The following COL13A1 variants were observed in gnomAD, a reference collection of about 807,000 sequenced individuals.
COL13A1 encodes the protein collagen alpha-1(XIII) chain.
In COL13A1, 89 loss-of-function variants were observed where a neutral mutation model predicts 130.9. The ratio of observed to expected loss-of-function variants is 0.68; its 90% CI spans 0.57 to 0.81. The LOEUF (loss-of-function observed/expected upper bound fraction) is 0.81. Ranked by LOEUF, COL13A1 falls within the 30% of genes least tolerant of loss-of-function variation. The probability of loss-of-function intolerance (pLI) is 0.00; values close to 1 mark genes in which losing one functional copy is unlikely to be tolerated. For missense variants in COL13A1, 879 were observed against 934.6 expected (o/e 0.94, Z 0.78); for synonymous variants, 402 against 341.6 (o/e 1.18, Z -1.95).
At chr10:69,889,189 G>A (rs2060910736) in intron 9 of COL13A1, among the ~76,000 whole-genome samples, 1 of 152,242 alleles carries the variant, frequency 6.6e-6, no homozygotes, top group Non-Finnish European at 1.5e-5. Context: ...CTGAAGGGCA[G>A]GCAGCTGCTA....
intron 14 of COL13A1, among the ~76,000 whole-genome samples, chr10:69,901,572 C>T (rs1434557113): frequency 1.3e-5 from 2 of 152,192 alleles, no homozygotes; most frequent in Non-Finnish European, 1.5e-5. Context: ...CTGCATCCCC[C>T]AGCCTCCACC....
chr10:69,894,869 TC>T (rs2061494978), intron 12 of COL13A1, among the ~76,000 whole-genome samples, 168 bp downstream of exon 12: 1 of 152,146 alleles, frequency 6.6e-6, no homozygotes. Flanking sequence ...CCAGGGGACA[TC>T]CTTTTCTTGG....
chr10:69,824,428 G>A (rs1846975272), intron 2 of COL13A1, among the ~76,000 whole-genome samples: 1 of 152,172 alleles, frequency 6.6e-6, no homozygotes, highest in African/African-American at 2.4e-5. Context: ...CAGAGTGGGT[G>A]GTTCTCAAGA....
At position 69,836,803 on chromosome 10, in the gene COL13A1, G is replaced by C. The variant is rs369972946; in HGVS notation, c.364+14365G>C. 5.3e-5 allele frequency among the ~76,000 whole-genome samples: 8 copies of C among 152,334 alleles called. No individual in the cohort carries two copies. In the East Asian group the frequency reaches 1.2e-3, roughly 22 times the overall value. On this transcript the variant is annotated intron_variant, in intron 2 of 40. Coordinates refer to ENST00000645393, the MANE Select transcript of COL13A1 (RefSeq NM_001368882.1). ...GAATGAGGACCAAGTATGGGCAGAG[G>C]CTCCCTCAGTGCCTGCCTTCCTCTT...
chr10:69,865,135 C>T (rs1254912709), intron 2 of COL13A1, among the ~76,000 whole-genome samples: 6 of 152,298 alleles, frequency 3.9e-5, no homozygotes, highest in East Asian at 1.9e-4. Flanking sequence ...CCGGTCTCAC[C>T]GCCATCACCT....
intron 2 of COL13A1, among the ~76,000 whole-genome samples, chr10:69,844,035 G>A (rs936696185): frequency 2.6e-5 from 4 of 152,210 alleles, no homozygotes; most frequent in Non-Finnish European, 5.9e-5. Context: ...GTAAAGCATA[G>A]AAAATACCCA....
chr10:69,930,608 C>A, intron 30 of COL13A1, 56 bp downstream of exon 30: 3 of 1,565,300 alleles, frequency 1.9e-6, no homozygotes, highest in East Asian at 4.5e-5. Flanking sequence ...AGCATGACGC[C>A]AGCTTTGCAG....
At chr10:69,952,207 T>G (rs2069680937) in intron 38 of COL13A1, among the ~76,000 whole-genome samples, 1 of 152,236 alleles carries the variant, frequency 6.6e-6, no homozygotes, top group Admixed American at 6.5e-5. Context: ...CCGTGAGCTC[T>G]GGACACACAC....
At chr10:69,906,095 C>T (rs1223803080) in intron 17 of COL13A1, among the ~76,000 whole-genome samples, 1 of 152,212 alleles carries the variant, frequency 6.6e-6, no homozygotes, top group Non-Finnish European at 1.5e-5. Context: ...CACTCCTGCA[C>T]AAATAACCCC....
chr10:69,907,275 C>G (rs1458094150), intron 17 of COL13A1, among the ~76,000 whole-genome samples: 1 of 152,164 alleles, frequency 6.6e-6, no homozygotes, highest in East Asian at 1.9e-4. Flanking sequence ...TGACTATTCT[C>G]CTATTTAAAA....
intron 2 of COL13A1, among the ~76,000 whole-genome samples, chr10:69,862,175 A>T (rs1858314359): frequency 6.6e-6 from 1 of 152,196 alleles, no homozygotes; most frequent in Non-Finnish European, 1.5e-5. Flanking sequence ...AGCTTCTCAA[A>T]GCTTTGCTAA....
At chr10:69,842,569 G>A (rs1479989549) in intron 2 of COL13A1, among the ~76,000 whole-genome samples, 3 of 152,082 alleles carry the variant, frequency 2.0e-5, no homozygotes, top group Admixed American at 1.3e-4. Flanking sequence ...TGCTCATTCC[G>A]GCACTAACAT....
At chr10:69,811,390 G>T (rs1352684001) in intron 1 of COL13A1, among the ~76,000 whole-genome samples, 2 of 152,218 alleles carry the variant, frequency 1.3e-5, no homozygotes, top group Non-Finnish European at 2.9e-5. Flanking sequence ...ACCAGGTCAT[G>T]CTCTGATAAG....
At chr10:69,829,498 G>A (rs1848298426) in intron 2 of COL13A1, among the ~76,000 whole-genome samples, 1 of 152,218 alleles carries the variant, frequency 6.6e-6, no homozygotes. Flanking sequence ...ATGGCTGACG[G>A]GAGCCCTGGC....
intron 30 of COL13A1, among the ~76,000 whole-genome samples, chr10:69,931,884 C>G (rs935077147): frequency 3.9e-5 from 6 of 152,218 alleles, no homozygotes; most frequent in Non-Finnish European, 7.3e-5. Context: ...GTCCTCTGCC[C>G]ATGGTCTCAT....
intron 13 of COL13A1, among the ~76,000 whole-genome samples, chr10:69,895,984 C>T (rs1200661627): frequency 6.6e-6 from 1 of 152,114 alleles, no homozygotes; most frequent in Middle Eastern, 3.4e-3. Flanking sequence ...GTGTGTGTGG[C>T]GGTAGGGGGG....
At chr10:69,848,529 G>A (rs7903431) in intron 2 of COL13A1, among the ~76,000 whole-genome samples, 5 of 152,108 alleles carry the variant, frequency 3.3e-5, no homozygotes, top group East Asian at 1.9e-4. Flanking sequence ...GCTCATCCCC[G>A]AGGATACCCC....
chr10:69,802,383 T>C lies in COL13A1; in HGVS notation c.-41T>C, dbSNP rs1840230208. The C allele has an allele frequency of 7.0e-7, 1 of 1,424,112 alleles. No individual in the cohort carries two copies. 88.2% of individuals were successfully genotyped at this position (1,424,112 alleles called of 1,614,324 possible). On this transcript the variant is annotated 5_prime_UTR_variant, in exon 1 of 41. Transcript: ENST00000645393. ...TTTGGCAGCGGCTGTCGCCTTTATTTATTCTATTTATTTATTTATTGGTTC... is the reference window on the plus strand; with the variant it reads ...TTTGGCAGCGGCTGTCGCCTTTATTCATTCTATTTATTTATTTATTGGTTC...
chr10:69,933,415 C>G (rs2066419616), intron 31 of COL13A1, among the ~76,000 whole-genome samples: 1 of 152,090 alleles, frequency 6.6e-6, no homozygotes, highest in Non-Finnish European at 1.5e-5. Context: ...GCAAGGTTTT[C>G]AAAAGACAGC....
Sources: gnomAD v4.1 joint callset for allele counts (sites outside exome capture counted in the v4.1 genomes callset) on GRCh38, gnomAD v4.1.1 for gene constraint, MANE v1.5 for transcripts, NCBI Gene and HGNC (gene_info 2026-07-23, HGNC 2026-07-21) for gene names.